Variants in TNIK observed in about 807,000 individuals in gnomAD.
TNIK encodes the protein TRAF2 and NCK-interacting protein kinase.
A neutral mutation model predicts 191.3 loss-of-function variants in TNIK; 49 were observed. The ratio of observed to expected loss-of-function variants is 0.26; its 90% CI spans 0.20 to 0.32. The LOEUF is 0.32. Ranked by LOEUF, TNIK falls within the 10% of genes least tolerant of loss-of-function variation. TNIK has a pLI of 1.00. For missense variants in TNIK, 1,155 were observed against 1,702.3 expected (o/e 0.68, Z 5.66); for synonymous variants, 594 against 600.9 (o/e 0.99, Z 0.17).
intron 9 of TNIK, among the ~76,000 whole-genome samples, chr3:171,170,028 G>C (rs1735086032): frequency 6.6e-6 from 1 of 152,216 alleles, no homozygotes; most frequent in African/African-American, 2.4e-5. Flanking sequence ...TTATTTAAGA[G>C]TGAAAACACT....
chr3:171,343,524 T>C (rs1711640098), intron 2 of TNIK, among the ~76,000 whole-genome samples: 1 of 152,104 alleles, frequency 6.6e-6, no homozygotes, highest in Non-Finnish European at 1.5e-5. Context: ...TACAGAACTA[T>C]TTGAACAGTA....
chr3:171,403,590 G>A (rs1721237632), intron 1 of TNIK, among the ~76,000 whole-genome samples: 1 of 140,678 alleles, frequency 7.1e-6, no homozygotes, highest in South Asian at 2.2e-4. Flanking sequence ...CTCCAACCTG[G>A]GCGACAGTGA....
intron 16 of TNIK, among the ~76,000 whole-genome samples, chr3:171,127,874 G>A (rs1365715112): frequency 6.6e-6 from 1 of 152,102 alleles, no homozygotes; most frequent in Non-Finnish European, 1.5e-5. Context: ...AATATTTCGT[G>A]GAAGTCTTAA....
chr3:171,139,598 AAGAG>A, intron 13 of TNIK, 42 bp from the exon 14 acceptor site: 4 of 1,601,014 alleles, frequency 2.5e-6, no homozygotes, highest in Non-Finnish European at 3.4e-6. Context: ...AACAGAAAGA[AAGAG>A]AGAAATGAAC....
At chr3:171,335,987 G>A (rs1050609699) in intron 2 of TNIK, among the ~76,000 whole-genome samples, 2 of 151,920 alleles carry the variant, frequency 1.3e-5, no homozygotes, top group Admixed American at 6.6e-5. Flanking sequence ...AGTGTATCTC[G>A]TTGCAATTTT....
intron 12 of TNIK, among the ~76,000 whole-genome samples, chr3:171,145,286 C>T (rs1452928107): frequency 1.3e-5 from 2 of 152,106 alleles, no homozygotes; most frequent in South Asian, 2.1e-4. Context: ...CGGGGTATCA[C>T]CGTGTTAGCC....
chr3:171,106,072 C>T (rs1246926773), intron 21 of TNIK, among the ~76,000 whole-genome samples: 2 of 152,166 alleles, frequency 1.3e-5, no homozygotes, highest in Non-Finnish European at 2.9e-5. Context: ...ACTGTCTCGT[C>T]ACTCTGGGTG....
At chr3:171,078,035 T>C (rs1720210998) in intron 28 of TNIK, among the ~76,000 whole-genome samples, 1 of 152,200 alleles carries the variant, frequency 6.6e-6, no homozygotes, top group African/African-American at 2.4e-5. Flanking sequence ...GCCACACTTA[T>C]TCTGGGTCTA....
intron 2 of TNIK, among the ~76,000 whole-genome samples, chr3:171,315,353 G>C (rs1754488024): frequency 6.6e-6 from 1 of 152,032 alleles, no homozygotes; most frequent in Non-Finnish European, 1.5e-5. Context: ...CAAATATCCT[G>C]AACTCACCCT....
chr3:171,065,220 TTA>T (rs1256191709), intron 32 of TNIK, among the ~76,000 whole-genome samples: 1 of 152,112 alleles, frequency 6.6e-6, no homozygotes, highest in Non-Finnish European at 1.5e-5. Flanking sequence ...TTTTACTAGG[TTA>T]TGTTTGTTTT....
At chr3:171,089,604 C>T (rs753140039) in intron 23 of TNIK, among the ~76,000 whole-genome samples, 12 of 152,168 alleles carry the variant, frequency 7.9e-5, no homozygotes, top group Non-Finnish European at 1.3e-4. Context: ...CAGTAGTATG[C>T]TCTGAATCTG....
intron 2 of TNIK, among the ~76,000 whole-genome samples, chr3:171,286,377 C>A (rs533896712): frequency 1.2e-4 from 18 of 152,256 alleles, no homozygotes; most frequent in African/African-American, 3.9e-4. Context: ...AAGGTCTTCC[C>A]ATACTTCTCC....
intron 2 of TNIK, among the ~76,000 whole-genome samples, chr3:171,309,659 C>T (rs1560409012): frequency 6.6e-6 from 1 of 152,080 alleles, no homozygotes; most frequent in Non-Finnish European, 1.5e-5. Flanking sequence ...TCTTGAAGTC[C>T]TCAGTAACTT....
chr3:171,110,933 G>A (rs764768193), intron 18 of TNIK, 56 bp from the exon 19 acceptor site: 111 of 1,481,426 alleles, frequency 7.5e-5, no homozygotes, highest in Admixed American at 2.5e-4. Context: ...CAGTTTTGCA[G>A]ATCACATATC....
At position 171,058,732 on chromosome 3, in the gene TNIK, C is replaced by T. The variant is rs975947194; in HGVS notation, c.*5149G>A. ...TTTAAAAAATGTAAACAATTGTAGG[C>T]ACAGCAAAATCGTAGTTTTCCCTTC... is the stretch of plus-strand genomic sequence containing the variant. On this transcript the variant is annotated 3_prime_UTR_variant, in exon 33 of 33. Transcript: ENST00000436636. Among the ~76,000 whole-genome samples the T allele has an allele frequency of 2.0e-5, 3 of 152,156 alleles. No individual in the cohort carries two copies. Among genetic ancestry groups the T allele is most frequent in the African/African-American group, 7.2e-5 (3 of 41,442 alleles).
chr3:171,458,409 A>G (rs1729024803), intron 1 of TNIK, among the ~76,000 whole-genome samples: 1 of 152,142 alleles, frequency 6.6e-6, no homozygotes, highest in Admixed American at 6.5e-5. Context: ...GTAATAATGC[A>G]TGAATGAGCT....
intron 22 of TNIK, among the ~76,000 whole-genome samples, chr3:171,101,230 A>T (rs1022308902): frequency 6.6e-6 from 1 of 152,040 alleles, no homozygotes; most frequent in African/African-American, 2.4e-5. Context: ...ATGGATAGGT[A>T]AAGTGTATGC....
intron 7 of TNIK, among the ~76,000 whole-genome samples, chr3:171,177,827 C>A (rs1457561310): frequency 6.6e-6 from 1 of 152,200 alleles, no homozygotes; most frequent in Non-Finnish European, 1.5e-5. Flanking sequence ...CCCCAAAGAT[C>A]TCATTTGCCT....
chr3:171,200,365 A>G (rs995760865), intron 4 of TNIK, among the ~76,000 whole-genome samples: 3 of 151,920 alleles, frequency 2.0e-5, no homozygotes, highest in Admixed American at 2.0e-4. Context: ...CTTATTAGAG[A>G]AAAGAATTGC....
Sources: allele counts gnomAD v4.1 joint callset (sites outside exome capture counted in the v4.1 genomes callset), GRCh38; gene constraint gnomAD v4.1.1; transcripts MANE v1.5; gene names NCBI Gene and HGNC (gene_info 2026-07-23, HGNC 2026-07-21).